ITGB3: variants seen among roughly 807,000 people sequenced by gnomAD.
The protein encoded by ITGB3 is integrin beta-3.
ITGB3 carries 48 observed loss-of-function variants against 85.8 expected under a neutral mutation model. The ratio of observed to expected loss-of-function variants is 0.56; its 90% CI spans 0.44 to 0.71. The LOEUF (loss-of-function observed/expected upper bound fraction) is 0.71. Among genes scored for constraint, ITGB3 ranks in the 30% least tolerant of loss-of-function variants. ITGB3 has a pLI of 0.00. For synonymous variants in ITGB3, 363 were observed against 395.6 expected (o/e 0.92, Z 0.98); for missense variants, 861 against 1,019.1 (o/e 0.84, Z 2.11).
intron 5 of ITGB3, among the ~76,000 whole-genome samples, chr17:47,286,834 C>G (rs936982717): frequency 6.6e-6 from 1 of 152,200 alleles, no homozygotes; most frequent in African/African-American, 2.4e-5. Flanking sequence ...TTAAGAAGAT[C>G]TCATTCAGCT....
intron 2 of ITGB3, among the ~76,000 whole-genome samples, chr17:47,278,992 T>C (rs1054250283): frequency 2.0e-5 from 3 of 152,356 alleles, no homozygotes; most frequent in South Asian, 4.1e-4. Flanking sequence ...AGTTAACTTA[T>C]GTTGAGATTT....
intron 2 of ITGB3, among the ~76,000 whole-genome samples, chr17:47,280,298 G>A (rs973390261): frequency 2.0e-5 from 3 of 152,196 alleles, no homozygotes; most frequent in African/African-American, 7.2e-5. Flanking sequence ...AGGGGGATCG[G>A]ACTGGAGAGG....
intron 13 of ITGB3, among the ~76,000 whole-genome samples, chr17:47,304,662 C>T (rs2065180601): frequency 6.6e-6 from 1 of 152,058 alleles, no homozygotes; most frequent in Non-Finnish European, 1.5e-5. Context: ...GGGTGGAGTA[C>T]AGCGGCGTGA....
chr17:47,302,423 C>T (rs2065170505), intron 12 of ITGB3, among the ~76,000 whole-genome samples: 1 of 152,138 alleles, frequency 6.6e-6, no homozygotes, highest in Non-Finnish European at 1.5e-5. Flanking sequence ...CAAGATCACA[C>T]AACGGGTAGG....
chr17:47,312,371 G>C lies in ITGB3; in HGVS notation c.*2167G>C, dbSNP rs1036560490. 5.9e-5 allele frequency among the ~76,000 whole-genome samples: 9 copies of C among 152,172 alleles called. No individual in the cohort carries two copies. The highest frequency in any genetic ancestry group is 2.2e-4 in the African/African-American group (9 of 41,434). ...TCTCACCCATGGATTACTCCTTACT[G>C]TAGGGAATGGCAGTATGGTAGAGGG... is the stretch of plus-strand genomic sequence containing the variant. On this transcript the variant is annotated 3_prime_UTR_variant, in exon 15 of 15. Transcript: ENST00000559488.
chr17:47,285,212 T>G (rs1218941842), intron 4 of ITGB3, among the ~76,000 whole-genome samples: 1 of 152,242 alleles, frequency 6.6e-6, no homozygotes, highest in African/African-American at 2.4e-5. Flanking sequence ...GGCTTAAAAC[T>G]GAATGGCTTA....
chr17:47,255,677 C>T (rs2064986792), intron 1 of ITGB3, among the ~76,000 whole-genome samples: 2 of 152,236 alleles, frequency 1.3e-5, no homozygotes, highest in East Asian at 3.9e-4. Flanking sequence ...GCCTTGGCCT[C>T]CCAAAGTGCT....
At chr17:47,263,760 G>A (rs1487680843) in intron 1 of ITGB3, among the ~76,000 whole-genome samples, 7 of 152,140 alleles carry the variant, frequency 4.6e-5, no homozygotes, top group African/African-American at 1.7e-4. Context: ...ACAGTGCTCA[G>A]ATTACAGTGT....
intron 10 of ITGB3, 69 bp downstream of exon 10, chr17:47,292,637 C>A: frequency 6.5e-7 from 1 of 1,540,960 alleles, no homozygotes; most frequent in Non-Finnish European, 8.9e-7. Context: ...CCACTGGAAA[C>A]ATAGGTGAAG....
At chr17:47,274,123 G>C (rs1329685908) in intron 1 of ITGB3, among the ~76,000 whole-genome samples, 5 of 152,206 alleles carry the variant, frequency 3.3e-5, no homozygotes, top group African/African-American at 1.2e-4. Context: ...GTTAATTAAA[G>C]CCTTTCCATC....
chr17:47,307,598 T>C lies in ITGB3; in HGVS notation c.2262T>C (p.Ala754=). 6.2e-7 allele frequency: 1 copy of C among 1,614,168 alleles called. No homozygotes were observed. Among genetic ancestry groups the C allele is most frequent in the Non-Finnish European group, 8.5e-7 (1 of 1,180,040 alleles). ...CCATCCACGACCGAAAAGAATTCGCTAAATTTGAGGAAGAACGCGCCAGAG... is the reference window on the plus strand; with the variant it reads ...CCATCCACGACCGAAAAGAATTCGCCAAATTTGAGGAAGAACGCGCCAGAG... ...LITIHDRKEF[A]KFEEERARAK... The change falls in exon 14 of 15, where the codon GCT becomes GCC. Residue 754 remains alanine (A), a synonymous_variant. Coordinates refer to ENST00000559488, the MANE Select transcript of ITGB3 (RefSeq NM_000212.3).
chr17:47,267,612 A>T (rs1207177857), intron 1 of ITGB3, among the ~76,000 whole-genome samples: 1 of 152,178 alleles, frequency 6.6e-6, no homozygotes, highest in East Asian at 1.9e-4. Context: ...AAAAGAGTGG[A>T]TAAAGGGACT....
At chr17:47,274,609 T>TA in intron 2 of ITGB3, 105 bp downstream of exon 2, 1 of 939,766 alleles carries the variant, frequency 1.1e-6, no homozygotes, top group Non-Finnish European at 1.7e-6. Context: ...ACATGCCCCT[T>TA]ATCCCTTCTA....
At chr17:47,275,958 A>T (rs911366537) in intron 2 of ITGB3, among the ~76,000 whole-genome samples, 2 of 151,830 alleles carry the variant, frequency 1.3e-5, no homozygotes, top group South Asian at 4.1e-4. Flanking sequence ...CTCCTTATTC[A>T]CTATGTCCTC....
intron 1 of ITGB3, 68 bp from the exon 2 acceptor site, chr17:47,274,351 A>G: frequency 7.2e-7 from 1 of 1,382,022 alleles, no homozygotes; most frequent in Non-Finnish European, 1.0e-6. Flanking sequence ...AAAGTTGGGA[A>G]GGATGAGGCA....
At position 47,309,837 on chromosome 17, in the gene ITGB3, A is replaced by G. The variant is rs1169776714; in HGVS notation, c.2302-302A>G. ...TTGAGTCAGGGGAGGTGGAGGTTTCAGTAAGCCGAGATTGTGCCACTGCAC... is the reference window on the plus strand; with the variant it reads ...TTGAGTCAGGGGAGGTGGAGGTTTCGGTAAGCCGAGATTGTGCCACTGCAC... On this transcript the variant is annotated intron_variant, in intron 14 of 14. Transcript: ENST00000559488. Among the ~76,000 whole-genome samples, 5 of 149,956 alleles carry G rather than the reference A, an allele frequency of 3.3e-5. No homozygotes were observed. In the Admixed American group the frequency reaches 3.3e-4, roughly 10 times the overall value.
At chr17:47,275,961 A>C (rs1215954179) in intron 2 of ITGB3, among the ~76,000 whole-genome samples, 2 of 152,040 alleles carry the variant, frequency 1.3e-5, no homozygotes, top group Admixed American at 6.5e-5. Flanking sequence ...CTTATTCACT[A>C]TGTCCTCCTT....
intron 2 of ITGB3, 21 bp downstream of exon 2, chr17:47,274,525 C>T (rs774170781): frequency 1.4e-5 from 23 of 1,604,382 alleles, no homozygotes; most frequent in Non-Finnish European, 1.9e-5. Context: ...GATACCAGAC[C>T]TTGTTTCTTC....
chr17:47,254,166 G>A (rs1254750658), intron 1 of ITGB3, among the ~76,000 whole-genome samples: 1 of 152,118 alleles, frequency 6.6e-6, no homozygotes, highest in Non-Finnish European at 1.5e-5. Context: ...CCTCCGAGAC[G>A]CCGAAGCCAT....
Sources: allele counts gnomAD v4.1 joint callset (sites outside exome capture counted in the v4.1 genomes callset), GRCh38; gene constraint gnomAD v4.1.1; transcripts MANE v1.5; gene names NCBI Gene and HGNC (gene_info 2026-07-23, HGNC 2026-07-21).